EFNA5: variants seen among roughly 807,000 people sequenced by gnomAD.
EFNA5 encodes the protein ephrin-A5.
EFNA5 carries 5 observed loss-of-function variants against 22.9 expected under a neutral mutation model. That is an observed-to-expected ratio of 0.22 (90% CI 0.11 to 0.46). EFNA5 has a LOEUF of 0.46. Among genes scored for constraint, EFNA5 ranks in the 20% least tolerant of loss-of-function variants. The pLI, the probability that EFNA5 is intolerant of heterozygous loss-of-function variation, is 0.99. For synonymous variants in EFNA5, 113 were observed against 112.2 expected, an observed-to-expected ratio of 1.01 and a Z score of -0.04; for missense variants, 237 against 293.3, an observed-to-expected ratio of 0.81 and a Z score of 1.40.
intron 1 of EFNA5, among the ~76,000 whole-genome samples, chr5:107,511,041 T>TGA (rs1554064219): frequency 4.5e-4 from 68 of 149,856 alleles, no homozygotes; most frequent in African/African-American, 1.6e-3. Context: ...TGTGTGTGTG[T>TGA]GAGACGGAGA....
intron 1 of EFNA5, among the ~76,000 whole-genome samples, chr5:107,571,622 A>G (rs896985122): frequency 6.6e-6 from 1 of 152,026 alleles, no homozygotes; most frequent in Non-Finnish European, 1.5e-5. Flanking sequence ...CACCCTGGGA[A>G]CCAGACACTA....
intron 1 of EFNA5, among the ~76,000 whole-genome samples, chr5:107,617,594 C>T (rs558688567): frequency 2.6e-5 from 4 of 152,126 alleles, no homozygotes; most frequent in Admixed American, 6.5e-5. Flanking sequence ...AAAGAAAATG[C>T]GTATTGAGAG....
intron 1 of EFNA5, among the ~76,000 whole-genome samples, chr5:107,626,196 T>A (rs164695): frequency 0.15 from 22,754 of 152,196 alleles, 2,059 homozygotes; most frequent in Admixed American, 0.21. Flanking sequence ...ATAACTTTAG[T>A]AAATGCAGAA....
chr5:107,572,723 T>G (rs1748842272), intron 1 of EFNA5, among the ~76,000 whole-genome samples: 1 of 152,222 alleles, frequency 6.6e-6, no homozygotes, highest in Non-Finnish European at 1.5e-5. Flanking sequence ...TGCACTTCCA[T>G]TGTTTTTTTA....
chr5:107,509,508 T>C (rs1747321126), intron 1 of EFNA5, among the ~76,000 whole-genome samples: 1 of 150,202 alleles, frequency 6.7e-6, no homozygotes. Flanking sequence ...TTTTTTTGTA[T>C]TTTTAGTGGA....
At chr5:107,647,015 C>T (rs916680333) in intron 1 of EFNA5, among the ~76,000 whole-genome samples, 7 of 152,018 alleles carry the variant, frequency 4.6e-5, no homozygotes, top group African/African-American at 1.7e-4. Flanking sequence ...ATATCAAAGA[C>T]AATTATGAAA....
At chr5:107,473,354 C>T (rs1245461283) in intron 1 of EFNA5, among the ~76,000 whole-genome samples, 3 of 147,388 alleles carry the variant, frequency 2.0e-5, no homozygotes, top group African/African-American at 7.5e-5. Context: ...TTGTTGATAT[C>T]ATTCTTGAAT....
intron 1 of EFNA5, among the ~76,000 whole-genome samples, chr5:107,468,652 T>C (rs544922911): frequency 1.3e-5 from 2 of 152,342 alleles, no homozygotes; most frequent in Admixed American, 6.5e-5. Context: ...CTCACCAATG[T>C]TGGCACTCTA....
chr5:107,572,497 C>A (rs73781118), intron 1 of EFNA5, among the ~76,000 whole-genome samples: 1 of 152,152 alleles, frequency 6.6e-6, no homozygotes, highest in Non-Finnish European at 1.5e-5. Flanking sequence ...CCAAAGGGAA[C>A]CTGCCATGAA....
chr5:107,466,921 T>C (rs1750003499), intron 1 of EFNA5, among the ~76,000 whole-genome samples: 2 of 152,188 alleles, frequency 1.3e-5, no homozygotes, highest in African/African-American at 2.4e-5. Context: ...CCTAAATTAA[T>C]TGGGAAGAGC....
intron 1 of EFNA5, among the ~76,000 whole-genome samples, chr5:107,497,583 T>A (rs956129483): frequency 6.6e-6 from 1 of 152,170 alleles, no homozygotes; most frequent in African/African-American, 2.4e-5. Flanking sequence ...GGTGTCTGCA[T>A]CTCACGGCTA....
rs758128708 is a variant in EFNA5 at position 107,670,664 on chromosome 5, G to T, written c.-51C>A. On this transcript the variant is annotated 5_prime_UTR_variant, in exon 1 of 5. Transcript: ENST00000333274. Reference sequence around the variant, plus strand: ...CGACGCGCCACTCCGGGGAGAGAGCGGGGATCCGGAGGGAGGGAGGCAGGC... The same window carrying T: ...CGACGCGCCACTCCGGGGAGAGAGCTGGGATCCGGAGGGAGGGAGGCAGGC... The T allele has an allele frequency of 6.3e-7, 1 of 1,580,064 alleles. No homozygotes were observed. The highest frequency in any genetic ancestry group is 2.4e-5 in the East Asian group (1 of 42,404).
chr5:107,493,343 G>A (rs764264700), intron 1 of EFNA5, among the ~76,000 whole-genome samples: 8 of 151,562 alleles, frequency 5.3e-5, no homozygotes, highest in Non-Finnish European at 1.2e-4. Flanking sequence ...TATCTGAAGT[G>A]AATTACTGAT....
At chr5:107,592,011 ATATAATATAAT>A (rs1749373478) in intron 1 of EFNA5, among the ~76,000 whole-genome samples, 2 of 55,032 alleles carry the variant, frequency 3.6e-5, no homozygotes, top group African/African-American at 2.3e-4. Context: ...TATATAATAT[ATATAATATAAT>A]ATATATTATA....
chr5:107,635,404 G>A lies in EFNA5; in HGVS notation c.125+35085C>T, dbSNP rs1750352301. 2.0e-5 allele frequency among the ~76,000 whole-genome samples: 3 copies of A among 152,290 alleles called. No individual in the cohort carries two copies. The South Asian group carries it at 6.2e-4, about 32-fold the overall frequency. On this transcript the variant is annotated intron_variant, in intron 1 of 4. Transcript: ENST00000333274. ...TCAATGTCAAACCACCACGAATGAA[G>A]GAAATCTTCCCCCAGCGGTTCAGCA...
chr5:107,451,920 T>A (rs1253323383), intron 1 of EFNA5, among the ~76,000 whole-genome samples: 1 of 152,178 alleles, frequency 6.6e-6, no homozygotes, highest in Non-Finnish European at 1.5e-5. Flanking sequence ...AAGACACATG[T>A]ACACGTATGT....
chr5:107,449,355 T>C (rs189713057), intron 1 of EFNA5, among the ~76,000 whole-genome samples: 21 of 144,874 alleles, frequency 1.4e-4, no homozygotes, highest in Admixed American at 1.0e-3. Flanking sequence ...AAGCCAAAAA[T>C]ATGGCTAAAA....
Position 107,471,134 on chromosome 5 carries a change from C to T in EFNA5, c.126-43625G>A, listed in dbSNP as rs185531401. ...CCCAGGTTAGGAACCCCAGTGACTC[C>T]CTATTCTGTAAAATCAATTCTAATT... is the stretch of plus-strand genomic sequence containing the variant. On this transcript the variant is annotated intron_variant, in intron 1 of 4. Transcript: ENST00000333274. Among the ~76,000 whole-genome samples, 176 of 152,222 alleles carry T rather than the reference C, an allele frequency of 1.2e-3. 1 individual carries two copies. The highest frequency in any genetic ancestry group is 3.5e-3 in the Admixed American group (54 of 15,280).
chr5:107,663,037 G>A (rs1049159017), intron 1 of EFNA5, among the ~76,000 whole-genome samples: 2 of 151,986 alleles, frequency 1.3e-5, no homozygotes, highest in Non-Finnish European at 2.9e-5. Flanking sequence ...ATCCTTTTCT[G>A]TCAACTAAAT....
Sources: allele counts gnomAD v4.1 joint callset (sites outside exome capture counted in the v4.1 genomes callset), GRCh38; gene constraint gnomAD v4.1.1; transcripts MANE v1.5; gene names NCBI Gene and HGNC (gene_info 2026-07-23, HGNC 2026-07-21).